The following RBFOX2 variants were observed in gnomAD, a reference collection of about 807,000 sequenced individuals.
RBFOX2 encodes RNA binding protein fox-1 homolog 2.
A neutral mutation model predicts 49.1 loss-of-function variants in RBFOX2; 10 were observed. The observed-to-expected ratio is 0.20, with a 90% confidence interval of 0.13 to 0.35. The LOEUF is 0.35. Ranked by LOEUF, RBFOX2 falls within the 10% of genes least tolerant of loss-of-function variation. The pLI, the probability that RBFOX2 is intolerant of heterozygous loss-of-function variation, is 1.00. For missense variants in RBFOX2, 323 were observed against 486.9 expected (o/e 0.66, Z 3.17); for synonymous variants, 183 against 187.4 (o/e 0.98, Z 0.19).
upstream of RBFOX2, among the ~76,000 whole-genome samples, chr22:35,966,405 T>C (rs2056561704): frequency 6.6e-6 from 1 of 152,194 alleles, no homozygotes; most frequent in Admixed American, 6.5e-5. Context: ...TGGTAGATAC[T>C]ACCAACTGCC....
chr22:35,774,530 G>A (rs1322263992), intron 4 of RBFOX2, among the ~76,000 whole-genome samples: 2 of 152,058 alleles, frequency 1.3e-5, no homozygotes, highest in Non-Finnish European at 2.9e-5. Flanking sequence ...GGAGTAAAAA[G>A]ACTAAAATTC....
upstream of RBFOX2, among the ~76,000 whole-genome samples, chr22:35,841,060 T>C (rs1303517298): frequency 6.6e-6 from 1 of 152,176 alleles, no homozygotes; most frequent in African/African-American, 2.4e-5. Context: ...ATTTTTTTCC[T>C]ACTATAAAAA....
chr22:35,925,712 C>G (rs1433270923), intron 1 of RBFOX2, among the ~76,000 whole-genome samples: 2 of 152,182 alleles, frequency 1.3e-5, no homozygotes, highest in Non-Finnish European at 1.5e-5. Flanking sequence ...ACATTTAATT[C>G]CAAAGCTACG....
Position 35,778,910 on chromosome 22 carries a change from C to A in RBFOX2, c.400-832G>T, listed in dbSNP as rs12168575. Reference sequence around the variant, plus strand: ...CCTCAGCCTGCCAAAGCATATATTGCTTTTATTTTTTAACTTAGCAATAGA... The same window carrying A: ...CCTCAGCCTGCCAAAGCATATATTGATTTTATTTTTTAACTTAGCAATAGA... On this transcript the variant is annotated intron_variant, in intron 3 of 11. Transcript: ENST00000405409. Among the ~76,000 whole-genome samples, 896 of 152,230 alleles carry A rather than the reference C, an allele frequency of 5.9e-3. 8 individuals are homozygous for A. The highest frequency in any genetic ancestry group is 0.02 in the African/African-American group (837 of 41,546).
chr22:35,966,431 T>A (rs541801156), upstream of RBFOX2, among the ~76,000 whole-genome samples: 5 of 152,218 alleles, frequency 3.3e-5, no homozygotes, highest in African/African-American at 2.4e-5. Context: ...TCCAAAGTTG[T>A]ACCAATTTAC....
At chr22:36,007,066 C>T (rs1419064976) in intron 1 of RBFOX2, among the ~76,000 whole-genome samples, 1 of 152,190 alleles carries the variant, frequency 6.6e-6, no homozygotes, top group East Asian at 1.9e-4. Context: ...GTGATTCTCA[C>T]TCATTTTGCT....
At chr22:35,950,503 G>A (rs2149837143) in intron 1 of RBFOX2, among the ~76,000 whole-genome samples, 1 of 152,318 alleles carries the variant, frequency 6.6e-6, no homozygotes, top group East Asian at 1.9e-4. Context: ...GCTTCCCTCA[G>A]TAAACCTTTT....
intron 4 of RBFOX2, among the ~76,000 whole-genome samples, chr22:35,768,849 T>G (rs1315008804): frequency 5.9e-5 from 9 of 152,228 alleles, no homozygotes. Flanking sequence ...GAGATTTTTT[T>G]TAAAGTAGGT....
intron 1 of RBFOX2, among the ~76,000 whole-genome samples, chr22:35,914,052 G>A (rs1022179103): frequency 6.6e-6 from 1 of 152,182 alleles, no homozygotes; most frequent in African/African-American, 2.4e-5. Flanking sequence ...AGGATTAAAA[G>A]CTGTGAAGGA....
chr22:35,933,959 C>CAA (rs1165602194), intron 1 of RBFOX2, among the ~76,000 whole-genome samples: 7 of 124,182 alleles, frequency 5.6e-5, no homozygotes, highest in Non-Finnish European at 1.1e-4. Flanking sequence ...TATATACACA[C>CAA]ATCAATGAAA....
chr22:35,917,356 A>G (rs1389314775), intron 1 of RBFOX2, among the ~76,000 whole-genome samples: 1 of 152,028 alleles, frequency 6.6e-6, no homozygotes, highest in African/African-American at 2.4e-5. Flanking sequence ...TGTTAGGGTC[A>G]TGGGGCAGGA....
intron 2 of RBFOX2, among the ~76,000 whole-genome samples, chr22:35,809,094 T>C (rs1169608127): frequency 6.7e-6 from 1 of 149,918 alleles, no homozygotes; most frequent in Non-Finnish European, 1.5e-5. Context: ...ATGTGGAGGA[T>C]AGATAAGTTA....
chr22:35,847,192 T>C (rs989159532), intron 1 of RBFOX2, among the ~76,000 whole-genome samples: 1 of 152,220 alleles, frequency 6.6e-6, no homozygotes, highest in African/African-American at 2.4e-5. Flanking sequence ...GACTAGGTTC[T>C]ACGAAAATTA....
chr22:35,828,910 G>A (rs768236618), intron 1 of RBFOX2, among the ~76,000 whole-genome samples: 14 of 152,116 alleles, frequency 9.2e-5, no homozygotes, highest in Admixed American at 1.3e-4. Flanking sequence ...AATTAGCCAG[G>A]CGTGGTGGTA....
chr22:35,967,049 T>C (rs2056605558), intron 1 of RBFOX2, among the ~76,000 whole-genome samples: 3 of 152,086 alleles, frequency 2.0e-5, no homozygotes, highest in South Asian at 2.1e-4. Context: ...CTTTAACTCC[T>C]GGTCTAAAGC....
At chr22:35,972,867 G>A (rs1569515916) in intron 1 of RBFOX2, among the ~76,000 whole-genome samples, 1 of 152,138 alleles carries the variant, frequency 6.6e-6, no homozygotes, top group Admixed American at 6.5e-5. Context: ...TCTAAGGAAA[G>A]TACAAGCCTA....
chr22:35,890,299 G>A (rs2047090517), intron 1 of RBFOX2, among the ~76,000 whole-genome samples: 2 of 152,088 alleles, frequency 1.3e-5, no homozygotes, highest in Admixed American at 1.3e-4. Context: ...TCCCTCATCT[G>A]TGGGAAATAT....
In RBFOX2 at chr22:35,802,066, C is replaced by T. The variant is rs529501495; in HGVS notation, c.252+7714G>A. Among the ~76,000 whole-genome samples the T allele has an allele frequency of 2.6e-5, 4 of 152,164 alleles. No individual in the cohort carries two copies. The South Asian group carries it at 8.3e-4, about 32-fold the overall frequency. On this transcript the variant is annotated intron_variant, in intron 2 of 11. Transcript: ENST00000405409. ...TTAGGAACTCAAATTGGTTGACATA[C>T]AAAATTTCATGGTGAACAGTTTCTG...
In RBFOX2 at chr22:35,739,282, G is replaced by A. The variant is rs1055679089; in HGVS notation, c.*4913C>T. On this transcript the variant is annotated 3_prime_UTR_variant, in exon 12 of 12. Transcript: ENST00000405409. ...CCTGCCATGGGGAGTGGGGAGAAGA[G>A]GAGAGGTTCTGTGGCATTTTGAGCC... The A allele has an allele frequency of 3.9e-5, 6 of 152,628 alleles. No homozygotes were observed. The East Asian group carries it at 1.2e-3, about 29-fold the overall frequency. The allele number at this position is 152,628 out of a possible 1,614,324, so 9.5% of individuals were successfully genotyped here.
Sources: allele counts gnomAD v4.1 joint callset (sites outside exome capture counted in the v4.1 genomes callset), GRCh38; gene constraint gnomAD v4.1.1; transcripts MANE v1.5; gene names NCBI Gene and HGNC (gene_info 2026-07-23, HGNC 2026-07-21).